The following MARK1 variants were observed in gnomAD, a reference collection of about 807,000 sequenced individuals.
The protein encoded by MARK1 is microtubule affinity regulating kinase 1, also known as serine/threonine-protein kinase MARK1.
A neutral mutation model predicts 96.3 loss-of-function variants in MARK1; 40 were observed. That is an observed-to-expected ratio of 0.42 (90% CI 0.32 to 0.54). MARK1 has a LOEUF of 0.54. MARK1 is among the 20% of genes least tolerant of loss of function. The pLI, the probability that MARK1 is intolerant of heterozygous loss-of-function variation, is 0.16. For synonymous variants in MARK1, 317 were observed against 341.2 expected, an observed-to-expected ratio of 0.93 and a Z score of 0.78; for missense variants, 719 against 984.6, an observed-to-expected ratio of 0.73 and a Z score of 3.61.
chr1:220,635,845 T>C lies in MARK1; in HGVS notation c.1289T>C (p.Ile430Thr). The C allele has an allele frequency of 1.3e-6, 2 of 1,592,782 alleles. No individual in the cohort carries two copies. The highest frequency in any genetic ancestry group is 1.7e-6 in the Non-Finnish European group (2 of 1,172,670). The change falls in exon 13 of 18, where the codon ATT becomes ACT. Residue 430 changes from isoleucine (I) to threonine (T), a missense_variant. Physicochemically the swap from Ile to Thr is moderately conservative, Grantham distance 89. Coordinates refer to ENST00000366917, the MANE Select transcript of MARK1 (RefSeq NM_018650.5). ...RRFSDHAGPS[I>T]PPAVSYTKRP... ...AAAAAAATTATAGCTGGTCCATCCA[T>C]TCCTCCTGCTGTATCATATACCAAA...
intron 10 of MARK1, among the ~76,000 whole-genome samples, chr1:220,631,457 A>G (rs1231632992): frequency 6.6e-6 from 1 of 152,202 alleles, no homozygotes; most frequent in Non-Finnish European, 1.5e-5. Flanking sequence ...GATAAGCATC[A>G]GCGAACATAG....
At chr1:220,656,864 T>A (rs912327451) in intron 16 of MARK1, among the ~76,000 whole-genome samples, 1 of 152,188 alleles carries the variant, frequency 6.6e-6, no homozygotes, top group Admixed American at 6.5e-5. Context: ...GGCGTTCATA[T>A]TCTTAAGAAC....
rs567805956 is a variant in MARK1, at chr1:220,604,729, C to T, written c.495+592C>T. On this transcript the variant is annotated intron_variant, in intron 6 of 17. Transcript: ENST00000366917. ...ATAAAATAAGAAAAAATAAATTTATCTAGAATTTTATTTTTAATTTTTAGA... is the reference window on the plus strand; with the variant it reads ...ATAAAATAAGAAAAAATAAATTTATTTAGAATTTTATTTTTAATTTTTAGA... Among the ~76,000 whole-genome samples the T allele has an allele frequency of 1.4e-4, 21 of 151,698 alleles. No homozygotes were observed. The South Asian group carries it at 4.4e-3, about 31-fold the overall frequency.
intron 13 of MARK1, among the ~76,000 whole-genome samples, chr1:220,637,486 C>T (rs1263649078): frequency 6.6e-6 from 1 of 151,936 alleles, no homozygotes; most frequent in Non-Finnish European, 1.5e-5. Flanking sequence ...TTGAGACCAG[C>T]CTGGCTAACA....
rs189036982 is a variant in MARK1 at position 220,534,296 on chromosome 1, T to C, written c.51+5423T>C. On this transcript the variant is annotated intron_variant, in intron 1 of 17. Coordinates refer to ENST00000366917, the MANE Select transcript of MARK1 (RefSeq NM_018650.5). ...TTACATATTGATCTTTTCATTATAC[T>C]AGCAACATTAAAATTATTCTAGCTA... is the stretch of plus-strand genomic sequence containing the variant. 2.5e-3 allele frequency among the ~76,000 whole-genome samples: 377 copies of C among 152,236 alleles called. 2 individuals are homozygous for C. Among genetic ancestry groups the C allele is most frequent in the Non-Finnish European group, 2.4e-3 (163 of 67,942 alleles).
In MARK1 at chr1:220,548,481, T is replaced by TA. The variant is rs1661647107; in HGVS notation, c.51+19608_51+19609insA. On this transcript the variant is annotated intron_variant, in intron 1 of 17. Transcript: ENST00000366917. ...CGGGTTGGGCACGGTGGCTCACACC[T>TA]GTAATCCCAGCACTTCGGGAGGCTG... is the stretch of plus-strand genomic sequence containing the variant. Among the ~76,000 whole-genome samples, 9 of 152,314 alleles carry TA rather than the reference T, an allele frequency of 5.9e-5. No individual in the cohort carries two copies. The South Asian group carries it at 1.7e-3, about 28-fold the overall frequency.
chr1:220,608,801 A>G (rs922746966), intron 6 of MARK1, among the ~76,000 whole-genome samples: 1 of 152,088 alleles, frequency 6.6e-6, no homozygotes, highest in African/African-American at 2.4e-5. Flanking sequence ...TTCTGCCTTC[A>G]TTTTGTTATT....
chr1:220,575,967 A>G, intron 1 of MARK1, among the ~76,000 whole-genome samples: 1 of 23,982 alleles, frequency 4.2e-5, no homozygotes, highest in Admixed American at 4.2e-4. Context: ...GTTTCTCCTT[A>G]GGGAATTGAC....
At chr1:220,540,247 A>T (rs1661038097) in intron 1 of MARK1, among the ~76,000 whole-genome samples, 1 of 152,186 alleles carries the variant, frequency 6.6e-6, no homozygotes, top group South Asian at 2.1e-4. Flanking sequence ...AACCAGGAAA[A>T]CCAGTGATAT....
intron 13 of MARK1, among the ~76,000 whole-genome samples, chr1:220,646,976 C>A (rs1363429245): frequency 6.6e-6 from 1 of 152,080 alleles, no homozygotes; most frequent in Admixed American, 6.6e-5. Context: ...GGCAATACCA[C>A]TCAGGACACA....
chr1:220,615,846 C>T lies in MARK1; in HGVS notation c.496-93C>T, dbSNP rs571049413. On this transcript the variant is annotated intron_variant, in intron 6 of 17. Transcript: ENST00000366917. ...TATTTATTAAATATTACCTTGAAAT[C>T]CGAATTAGTAATTTATCTAAATTGG... 10 of 674,068 alleles carry T rather than the reference C, an allele frequency of 1.5e-5. No homozygotes were observed. In the South Asian group the frequency reaches 1.8e-4, roughly 12 times the overall value. The allele number at this position is 674,068 out of a possible 1,614,324, so 41.8% of individuals were successfully genotyped here. A position where few individuals can be genotyped will look rare whatever the true frequency, so the allele number is the denominator to read the frequency against.
intron 4 of MARK1, among the ~76,000 whole-genome samples, chr1:220,598,792 G>A (rs988228614): frequency 2.6e-5 from 4 of 151,976 alleles, no homozygotes; most frequent in Admixed American, 1.3e-4. Context: ...TCAGGAGTTT[G>A]AGACCACCCT....
intron 1 of MARK1, among the ~76,000 whole-genome samples, chr1:220,548,772 A>G (rs1661670193): frequency 6.6e-6 from 1 of 152,048 alleles, no homozygotes; most frequent in Non-Finnish European, 1.5e-5. Flanking sequence ...AAAATATAAT[A>G]ATAATAATTA....
At chr1:220,646,033 A>G (rs1334579269) in intron 13 of MARK1, among the ~76,000 whole-genome samples, 1 of 152,168 alleles carries the variant, frequency 6.6e-6, no homozygotes, top group Non-Finnish European at 1.5e-5. Flanking sequence ...ACTCTTATAC[A>G]ACATAGTATT....
intron 9 of MARK1, chr1:220,625,744 C>T (rs1193973811): frequency 6.8e-6 from 3 of 440,708 alleles, no homozygotes; most frequent in African/African-American, 4.1e-5. Context: ...AGCAAGATGA[C>T]GCAGACACAG....
intron 1 of MARK1, among the ~76,000 whole-genome samples, chr1:220,573,715 C>T (rs1340810790): frequency 6.6e-6 from 1 of 152,076 alleles, no homozygotes; most frequent in African/African-American, 2.4e-5. Context: ...ACCCTTTCTT[C>T]TTTGCAGTCT....
intron 17 of MARK1, among the ~76,000 whole-genome samples, chr1:220,661,255 G>T (rs981734230): frequency 6.6e-6 from 1 of 152,122 alleles, no homozygotes; most frequent in Non-Finnish European, 1.5e-5. Flanking sequence ...CTGTTTTAAG[G>T]ATGTCTTTAG....
chr1:220,612,418 C>T (rs1181355923), intron 6 of MARK1, among the ~76,000 whole-genome samples: 1 of 152,126 alleles, frequency 6.6e-6, no homozygotes, highest in East Asian at 1.9e-4. Flanking sequence ...ATATTCTTTA[C>T]ATTGCAGAGA....
intron 3 of MARK1, among the ~76,000 whole-genome samples, chr1:220,586,024 C>CGCGT (rs55874100): frequency 6.6e-6 from 1 of 151,356 alleles, no homozygotes; most frequent in East Asian, 1.9e-4. Context: ...CGCGCGTGCG[C>CGCGT]AGAGAGAGAG....
Sources: allele counts gnomAD v4.1 joint callset (sites outside exome capture counted in the v4.1 genomes callset), GRCh38; gene constraint gnomAD v4.1.1; transcripts MANE v1.5; gene names NCBI Gene and HGNC (gene_info 2026-07-23, HGNC 2026-07-21).